Variants in TMTC1 observed in about 807,000 individuals in gnomAD.
TMTC1 encodes the protein protein O-mannosyl-transferase TMTC1.
In TMTC1, 73 loss-of-function variants were observed where a neutral mutation model predicts 104.8. The ratio of observed to expected loss-of-function variants is 0.70; its 90% CI spans 0.58 to 0.85. The LOEUF (loss-of-function observed/expected upper bound fraction) is 0.85. Ranked by LOEUF, TMTC1 falls within the 40% of genes least tolerant of loss-of-function variation. The probability of loss-of-function intolerance (pLI) is 0.00; values close to 1 mark genes in which losing one functional copy is unlikely to be tolerated. For missense variants in TMTC1, 1,035 were observed against 1,096.1 expected (o/e 0.94, Z 0.79); for synonymous variants, 434 against 428.7 (o/e 1.01, Z -0.15).
chr12:29,755,998 A>T, intron 3 of TMTC1, 113 bp from the exon 4 acceptor site: 1 of 1,125,958 alleles, frequency 8.9e-7, no homozygotes, highest in Non-Finnish European at 1.2e-6. Context: ...TAAGTAATTA[A>T]GCAGGTAAGT....
intron 6 of TMTC1, among the ~76,000 whole-genome samples, chr12:29,630,389 C>T (rs1565722545): frequency 6.6e-6 from 1 of 152,110 alleles, no homozygotes; most frequent in Non-Finnish European, 1.5e-5. Context: ...CATCAGATCT[C>T]GTGAGAACTC....
At position 29,518,617 on chromosome 12, in the gene TMTC1, G is replaced by A. The variant is rs1197920102; in HGVS notation, c.1889-10C>T. The A allele has an allele frequency of 6.2e-7, 1 of 1,613,714 alleles. No homozygotes were observed. On this transcript the variant is annotated splice_polypyrimidine_tract_variant and intron_variant, in intron 12 of 17. Transcript: ENST00000539277. ...GCCTTTTCTGGTAAGCCTGTAACCA[G>A]TGACAGGTTGGTAAGAGCAGAACAT...
chr12:29,683,966 TC>T (rs1941008805), intron 5 of TMTC1, among the ~76,000 whole-genome samples: 1 of 152,094 alleles, frequency 6.6e-6, no homozygotes, highest in Non-Finnish European at 1.5e-5. Context: ...ATCTTAGCTT[TC>T]CAAGTAGCTG....
intron 5 of TMTC1, among the ~76,000 whole-genome samples, chr12:29,668,095 A>G (rs1372625971): frequency 6.6e-6 from 1 of 152,240 alleles, no homozygotes; most frequent in African/African-American, 2.4e-5. Flanking sequence ...GTTAAACTGC[A>G]TTTCTGCATG....
At chr12:29,614,016 C>G in intron 6 of TMTC1, 1 of 576,576 alleles carries the variant, frequency 1.7e-6, no homozygotes, top group East Asian at 1.4e-4. Context: ...AAAGTTCACA[C>G]AGTTTCACTC....
chr12:29,780,576 C>G (rs1171502474), intron 1 of TMTC1, among the ~76,000 whole-genome samples: 2 of 152,070 alleles, frequency 1.3e-5, no homozygotes, highest in Non-Finnish European at 2.9e-5. Context: ...TGGAATTGTT[C>G]CGTATCTTGA....
chr12:29,521,566 CTTT>C (rs3036151), intron 11 of TMTC1, among the ~76,000 whole-genome samples: 1 of 89,636 alleles, frequency 1.1e-5, no homozygotes, highest in Non-Finnish European at 2.6e-5. Flanking sequence ...TTCTTTCTTT[CTTT>C]TTTTTTTTTT....
intron 5 of TMTC1, among the ~76,000 whole-genome samples, chr12:29,651,924 T>A (rs939170779): frequency 6.6e-6 from 1 of 151,706 alleles, no homozygotes; most frequent in African/African-American, 2.4e-5. Context: ...AAATTAGCCA[T>A]TGAGAATTCC....
chr12:29,720,134 C>T (rs1443662790), intron 5 of TMTC1, among the ~76,000 whole-genome samples: 1 of 152,172 alleles, frequency 6.6e-6, no homozygotes, highest in Non-Finnish European at 1.5e-5. Context: ...GGTCATAATG[C>T]TATCATGTTT....
rs113135039 is a variant in TMTC1, at chr12:29,695,793, T to TTATATATATA, written c.938+55863_938+55872dup. ...TCACAAATTTTAAACTACTTCCTTT[T>TTATATATATA]TATATATATATATATATATATATAT... On this transcript the variant is annotated intron_variant, in intron 5 of 17. Transcript: ENST00000539277. Among the ~76,000 whole-genome samples, 427 of 83,644 alleles carry TTATATATATA rather than the reference T, an allele frequency of 5.1e-3. 8 individuals are homozygous for TTATATATATA. The highest frequency in any genetic ancestry group is 0.014 in the East Asian group (42 of 2,916). 54.9% of individuals were successfully genotyped at this position (83,644 alleles called of 152,430 possible). A position where few individuals can be genotyped will look rare whatever the true frequency, so the allele number is the denominator to read the frequency against.
chr12:29,728,046 C>T (rs548785361), intron 5 of TMTC1, among the ~76,000 whole-genome samples: 1 of 152,230 alleles, frequency 6.6e-6, no homozygotes, highest in East Asian at 1.9e-4. Flanking sequence ...AAACCCCTTT[C>T]GAAAAAGTAG....
intron 7 of TMTC1, among the ~76,000 whole-genome samples, chr12:29,594,445 T>G (rs1488607393): frequency 1.3e-5 from 2 of 152,246 alleles, no homozygotes; most frequent in Non-Finnish European, 2.9e-5. Flanking sequence ...CAATTCCTTT[T>G]GTAACCAACA....
chr12:29,658,511 T>C (rs1939862473), intron 5 of TMTC1: 1 of 154,076 alleles, frequency 6.5e-6, no homozygotes, highest in South Asian at 2.0e-4. Flanking sequence ...TCTCCGCTCT[T>C]AGAGTGCTTA....
rs184228847 is a variant in TMTC1 at position 29,575,344 on chromosome 12, C to T, written c.1419-3126G>A. ...GTTTCTGGGCAGTTGTATTTTAATG[C>T]ACTAACTCTCTCAGATTACATATTT... On this transcript the variant is annotated intron_variant, in intron 8 of 17. Transcript: ENST00000539277. Among the ~76,000 whole-genome samples the T allele has an allele frequency of 9.0e-4, 137 of 152,200 alleles. 1 individual carries two copies. The highest frequency in any genetic ancestry group is 1.7e-3 in the Non-Finnish European group (115 of 67,998).
chr12:29,686,943 T>G (rs965477191), intron 5 of TMTC1, among the ~76,000 whole-genome samples: 7 of 152,172 alleles, frequency 4.6e-5, no homozygotes, highest in African/African-American at 1.7e-4. Flanking sequence ...AATCAGAATA[T>G]GGATTATAGC....
chr12:29,623,401 A>G (rs540280053), intron 6 of TMTC1, among the ~76,000 whole-genome samples: 2 of 152,354 alleles, frequency 1.3e-5, no homozygotes, highest in Admixed American at 1.3e-4. Flanking sequence ...ACCTCCACCT[A>G]TCTGGTGTCC....
At chr12:29,696,354 C>T (rs1008186343) in intron 5 of TMTC1, among the ~76,000 whole-genome samples, 2 of 151,978 alleles carry the variant, frequency 1.3e-5, no homozygotes, top group Non-Finnish European at 2.9e-5. Context: ...TAAGAATAAA[C>T]GGAAAAGACT....
intron 5 of TMTC1, among the ~76,000 whole-genome samples, chr12:29,684,791 C>T (rs763745719): frequency 4.6e-5 from 7 of 152,138 alleles, no homozygotes; most frequent in Non-Finnish European, 1.0e-4. Context: ...TCCCCCTCTC[C>T]GGCCACACAC....
intron 8 of TMTC1, among the ~76,000 whole-genome samples, chr12:29,577,721 G>C (rs1296085293): frequency 1.3e-5 from 2 of 151,962 alleles, no homozygotes; most frequent in Admixed American, 6.6e-5. Flanking sequence ...TCTTTTCGGG[G>C]GTGGGTGCTG....
Sources: allele counts gnomAD v4.1 joint callset (sites outside exome capture counted in the v4.1 genomes callset), GRCh38; gene constraint gnomAD v4.1.1; transcripts MANE v1.5; gene names NCBI Gene and HGNC (gene_info 2026-07-23, HGNC 2026-07-21).